Variants in METTL6 observed in about 807,000 individuals in gnomAD.
The protein encoded by METTL6 is methyltransferase 6, tRNA N3-cytidine.
Under a neutral mutation model 26.4 loss-of-function variants are expected in METTL6, and 22 were observed. The ratio of observed to expected loss-of-function variants is 0.83; its 90% CI spans 0.59 to 1.19. METTL6 has a LOEUF of 1.19. METTL6 is among the 50% of genes most tolerant of loss of function. The pLI is 0.00. For synonymous variants in METTL6, 109 were observed against 116.2 expected (o/e 0.94, Z 0.40); for missense variants, 304 against 324.8 (o/e 0.94, Z 0.49).
At chr3:15,417,473 A>G (rs1039353597) in intron 3 of METTL6, among the ~76,000 whole-genome samples, 3 of 151,000 alleles carry the variant, frequency 2.0e-5, no homozygotes, top group Admixed American at 2.0e-4. Flanking sequence ...ATAAATAAAT[A>G]AATAAATAAA....
Position 15,426,645 on chromosome 3 carries a change from G to T in METTL6, c.-124-10C>A. ...CAAACAGCACAGGGGGCTTCGCAGAGAAAAGAATTAGATTCTGGTTAGTGG... is the reference window on the plus strand; with the variant it reads ...CAAACAGCACAGGGGGCTTCGCAGATAAAAGAATTAGATTCTGGTTAGTGG... On this transcript the variant is annotated splice_polypyrimidine_tract_variant and intron_variant, in intron 1 of 5. Transcript: ENST00000383790. 1 of 762,108 alleles carries T rather than the reference G, an allele frequency of 1.3e-6. No individual in the cohort carries two copies. Among genetic ancestry groups the T allele is most frequent in the Non-Finnish European group, 2.1e-6 (1 of 472,180 alleles). 47.2% of individuals were successfully genotyped at this position (762,108 alleles called of 1,614,324 possible). A position where few individuals can be genotyped will look rare whatever the true frequency, so the allele number is the denominator to read the frequency against.
intron 6 of METTL6, among the ~76,000 whole-genome samples, chr3:15,403,444 C>T (rs114049269): frequency 7.9e-4 from 121 of 152,300 alleles, no homozygotes; most frequent in African/African-American, 2.6e-3. Flanking sequence ...TTCTCATCTC[C>T]GTGGCCATGC....
At chr3:15,415,344 A>T (rs1700152863) in intron 4 of METTL6, among the ~76,000 whole-genome samples, 1 of 152,208 alleles carries the variant, frequency 6.6e-6, no homozygotes, top group African/African-American at 2.4e-5. Context: ...CTTTTTTTAG[A>T]CAAGGTCTTG....
At chr3:15,405,878 G>A (rs1360513562), downstream of METTL6, among the ~76,000 whole-genome samples, 2 of 152,178 alleles carry the variant, frequency 1.3e-5, no homozygotes, top group African/African-American at 4.8e-5. Context: ...TCTTAGACAT[G>A]TGGAGTCTGA....
intron 4 of METTL6, chr3:15,414,390 C>T: frequency 5.8e-6 from 7 of 1,205,438 alleles, no homozygotes; most frequent in Non-Finnish European, 7.3e-6. Context: ...GAGTCTTGCT[C>T]TGTCGCCCAG....
chr3:15,384,068 T>C (rs1699130428), exon 7 of METTL6: 1 of 365,800 alleles, frequency 2.7e-6, no homozygotes, highest in Non-Finnish European at 5.2e-6. Context: ...AAAATTAGGG[T>C]TGAGGTACTA....
At chr3:15,425,124 C>T (rs1461213920) in intron 2 of METTL6, 35 bp from the exon 3 acceptor site, 1 of 1,606,106 alleles carries the variant, frequency 6.2e-7, no homozygotes, top group African/African-American at 1.3e-5. Flanking sequence ...TAGTATATCA[C>T]ATTTGCATAA....
At chr3:15,387,268 G>T (rs1231712839) in intron 6 of METTL6, among the ~76,000 whole-genome samples, 1 of 152,154 alleles carries the variant, frequency 6.6e-6, no homozygotes, top group Admixed American at 6.5e-5. Context: ...CCTAACTACC[G>T]ATTCTAACAT....
chr3:15,420,013 C>G (rs1283333868), intron 3 of METTL6, among the ~76,000 whole-genome samples: 1 of 151,990 alleles, frequency 6.6e-6, no homozygotes, highest in Non-Finnish European at 1.5e-5. Context: ...AGGCGCCCGC[C>G]ACCATGCCCG....
At position 15,426,331 on chromosome 3, in the gene METTL6, G is replaced by A. The variant is rs749611723; in HGVS notation, c.181C>T (p.His61Tyr). The change falls in exon 2 of 6, where the codon CAC becomes TAC. Residue 61 changes from histidine to tyrosine, a missense_variant. Transcript: ENST00000383790. Reference protein sequence around the residue: ...RNSTNFFKDRHWTTREFEELR... With the variant: ...RNSTNFFKDRYWTTREFEELR... ...TCCTCAAACTCTCTGGTGGTCCAGT[G>A]TCTGTCTTTGAAGAAATTAGTGCTA... is the stretch of plus-strand genomic sequence containing the variant. The A allele has an allele frequency of 1.9e-6, 3 of 1,614,212 alleles. No homozygotes were observed. The Admixed American group carries it at 5.0e-5, about 27-fold the overall frequency.
At chr3:15,401,457 A>C (rs546919564) in intron 6 of METTL6, among the ~76,000 whole-genome samples, 1 of 148,324 alleles carries the variant, frequency 6.7e-6, no homozygotes, top group Admixed American at 6.9e-5. Flanking sequence ...TACAGGCATG[A>C]GCCATTGTGT....
chr3:15,397,318 C>T (rs1699516584), intron 6 of METTL6, among the ~76,000 whole-genome samples: 1 of 152,196 alleles, frequency 6.6e-6, no homozygotes. Flanking sequence ...GTGCCGTTTG[C>T]TAAGACTGTC....
intron 6 of METTL6, among the ~76,000 whole-genome samples, chr3:15,387,684 C>T (rs140642997): frequency 6.6e-6 from 1 of 151,960 alleles, no homozygotes; most frequent in Non-Finnish European, 1.5e-5. Flanking sequence ...ACTTATATAG[C>T]CTTATTTGAG....
rs1298194808 is a variant in METTL6, at chr3:15,413,392, T to C, written c.673+629A>G. On this transcript the variant is annotated intron_variant, in intron 5 of 5. Transcript: ENST00000383790. ...AAGTTCGAGACCAGCATGGGCAATA[T>C]GGTGAAACCCCCATTCTACCAAAAA... Among the ~76,000 whole-genome samples the C allele has an allele frequency of 4.6e-5, 7 of 152,074 alleles. No individual in the cohort carries two copies. In the South Asian group the frequency reaches 1.5e-3, roughly 32 times the overall value.
chr3:15,384,934 G>T (rs1699153471), intron 6 of METTL6, among the ~76,000 whole-genome samples: 1 of 152,054 alleles, frequency 6.6e-6, no homozygotes, highest in Non-Finnish European at 1.5e-5. Context: ...TGAAATAATG[G>T]GTTACTATTT....
chr3:15,425,384 G>A (rs1003702019), intron 2 of METTL6, among the ~76,000 whole-genome samples: 1 of 152,120 alleles, frequency 6.6e-6, no homozygotes, highest in Admixed American at 6.5e-5. Flanking sequence ...AAACAGCTCT[G>A]TGCCTCAATT....
In METTL6 at chr3:15,415,775, G is replaced by A. The variant is rs913481660; in HGVS notation, c.528C>T (p.Tyr176=). 1.2e-5 allele frequency: 19 copies of A among 1,613,338 alleles called. No individual in the cohort carries two copies. The Admixed American group carries it at 1.8e-4, about 16-fold the overall frequency. The change falls in exon 4 of 6, where the codon TAC becomes TAT. Residue 176 remains tyrosine, a synonymous_variant. Transcript: ENST00000383790. ...GTGCAGGCCCCAAATCACTAACCTT[G>A]TAAATGTTTTGTAAGACAAGGTGCA... ...DKMHLVLQNI[Y]KVLKPGKSVL...
rs747896266 is a variant in METTL6, at chr3:15,415,795, G to C, written c.508C>G (p.Leu170Val). The change falls in exon 4 of 6, where the codon CTT becomes GTT. Residue 170 changes from leucine (L) to valine (V), a missense_variant. By Grantham distance (32) the Leu-to-Val change is conservative. Coordinates refer to ENST00000383790, the MANE Select transcript of METTL6 (RefSeq NM_152396.4). The stretch of plus-strand genomic sequence containing the variant: ...ACCTTGTAAATGTTTTGTAAGACAA[G>C]GTGCATCTTATCAGGATGAACAGCT... ...LSAVHPDKMH[L>V]VLQNIYKVLK... is the part of the protein sequence containing the mutation. The C allele has an allele frequency of 1.9e-6, 3 of 1,613,970 alleles. No homozygotes were observed. In the Admixed American group the frequency reaches 5.0e-5, roughly 27 times the overall value.
At chr3:15,394,898 C>T (rs1233096024) in intron 6 of METTL6, among the ~76,000 whole-genome samples, 3 of 152,170 alleles carry the variant, frequency 2.0e-5, no homozygotes, top group African/African-American at 7.2e-5. Flanking sequence ...TCTACATTTG[C>T]TGAGGAGTGC....
Sources: allele counts gnomAD v4.1 joint callset (sites outside exome capture counted in the v4.1 genomes callset), GRCh38; gene constraint gnomAD v4.1.1; transcripts MANE v1.5; gene names NCBI Gene and HGNC (gene_info 2026-07-23, HGNC 2026-07-21).